Variants in ANXA6 observed in about 807,000 individuals in gnomAD.
ANXA6 encodes the protein 67 kDa calelectrin.
In ANXA6, 71 loss-of-function variants were observed where a neutral mutation model predicts 95.4. The ratio of observed to expected loss-of-function variants is 0.74; its 90% CI spans 0.61 to 0.91. ANXA6 has a LOEUF of 0.91. ANXA6 is among the 40% of genes least tolerant of loss of function. The pLI is 0.00. For missense variants in ANXA6, 830 were observed against 876.4 expected (o/e 0.95, Z 0.67); for synonymous variants, 289 against 315.9 (o/e 0.91, Z 0.90).
chr5:151,106,148 C>T (rs1764689731), intron 23 of ANXA6, among the ~76,000 whole-genome samples: 1 of 152,118 alleles, frequency 6.6e-6, no homozygotes, highest in South Asian at 2.1e-4. Flanking sequence ...ATTGGCAGCC[C>T]CTGCTCCCTA....
At chr5:151,132,713 T>G (rs1765551857) in intron 9 of ANXA6, 142 bp from the exon 10 acceptor site, 2 of 670,954 alleles carry the variant, frequency 3.0e-6, no homozygotes, top group East Asian at 5.5e-5. Context: ...TGGAGGCGAC[T>G]GGGAGGTCAC....
Position 151,129,491 on chromosome 5 carries a change from C to G in ANXA6, c.834G>C (p.Met278Ile), listed in dbSNP as rs200380149. 5.3e-5 allele frequency: 85 copies of G among 1,611,130 alleles called. No individual in the cohort carries two copies. Among genetic ancestry groups the G allele is most frequent in the South Asian group, 6.6e-5 (6 of 90,466 alleles). ...GCATGTCCAACTCACTACGGGAGAC[C>G]ATGATGCGGATCAGGGTGTTGTCCC... Reference protein sequence around the residue: ...GTRDNTLIRIMVSRSELDMLD... With the variant: ...GTRDNTLIRIIVSRSELDMLD... The change falls in exon 12 of 26, where the codon ATG (methionine) becomes ATC (isoleucine). Residue 278 changes from methionine (M) to isoleucine (I), a missense_variant. Coordinates refer to ENST00000354546, the MANE Select transcript of ANXA6 (RefSeq NM_001155.5).
intron 20 of ANXA6, among the ~76,000 whole-genome samples, chr5:151,111,950 G>A (rs1193912422): frequency 6.6e-6 from 1 of 151,608 alleles, no homozygotes; most frequent in Non-Finnish European, 1.5e-5. Context: ...CACCAGCCCA[G>A]TTAATTTTTT....
chr5:151,105,307 G>C lies in ANXA6; in HGVS notation c.1781-4C>G. The C allele has an allele frequency of 6.2e-7, 1 of 1,613,862 alleles. No individual in the cohort carries two copies. The highest frequency in any genetic ancestry group is 8.5e-7 in the Non-Finnish European group (1 of 1,179,778). On this transcript the variant is annotated splice_polypyrimidine_tract_variant and splice_region_variant and intron_variant, in intron 23 of 25. Coordinates refer to ENST00000354546, the MANE Select transcript of ANXA6 (RefSeq NM_001155.5). The stretch of plus-strand genomic sequence containing the variant: ...GGCTTGTTCTTGACACTTTGAACTG[G>C]TAGGAAGAGCAGAGAGATGCGGGGA...
intron 2 of ANXA6, among the ~76,000 whole-genome samples, chr5:151,146,725 T>C (rs1451238892): frequency 6.6e-6 from 1 of 152,182 alleles, no homozygotes; most frequent in Non-Finnish European, 1.5e-5. Flanking sequence ...ATCGTCACAC[T>C]GACTGCATGG....
intron 14 of ANXA6, among the ~76,000 whole-genome samples, chr5:151,125,229 T>A (rs1765283405): frequency 6.6e-6 from 1 of 150,710 alleles, no homozygotes; most frequent in Admixed American, 6.6e-5. Flanking sequence ...CCACCTGAGG[T>A]CCCAGCTACT....
intron 13 of ANXA6, among the ~76,000 whole-genome samples, chr5:151,126,800 T>A (rs1765336556): frequency 6.6e-6 from 1 of 152,164 alleles, no homozygotes; most frequent in Non-Finnish European, 1.5e-5. Context: ...CACTGCAACC[T>A]CTGCCTCCCA....
rs1764527107 is a variant in ANXA6 at position 151,100,865 on chromosome 5, G to A, written c.*583C>T. The A allele has an allele frequency of 2.2e-6, 1 of 456,252 alleles. No homozygotes were observed. Among genetic ancestry groups the A allele is most frequent in the Non-Finnish European group, 4.4e-6 (1 of 226,966 alleles). The allele number at this position is 456,252 out of a possible 1,614,324, so 28.3% of individuals were successfully genotyped here. On this transcript the variant is annotated 3_prime_UTR_variant, in exon 26 of 26. Coordinates refer to ENST00000354546, the MANE Select transcript of ANXA6 (RefSeq NM_001155.5). The stretch of plus-strand genomic sequence containing the variant: ...TGTAGATAAGAAAATAGAGACTCAG[G>A]GAGGGAAAGGGGCTGGCCTAAGGTC...
chr5:151,137,392 G>A, intron 5 of ANXA6, 71 bp from the exon 6 acceptor site: 1 of 1,302,456 alleles, frequency 7.7e-7, no homozygotes, highest in Non-Finnish European at 1.1e-6. Context: ...TTGGGATCAG[G>A]GAGTGGCCAG....
intron 21 of ANXA6, among the ~76,000 whole-genome samples, 166 bp from the exon 22 acceptor site, chr5:151,110,012 T>G (rs1283552613): frequency 6.6e-6 from 1 of 152,178 alleles, no homozygotes; most frequent in East Asian, 1.9e-4. Context: ...TCAAGCACAA[T>G]GGCTTCTATA....
intron 1 of ANXA6, among the ~76,000 whole-genome samples, chr5:151,148,644 A>C (rs938439676): frequency 4.6e-5 from 7 of 152,230 alleles, no homozygotes; most frequent in African/African-American, 9.6e-5. Flanking sequence ...ATGAATAACA[A>C]ATGCACTCAT....
intron 20 of ANXA6, among the ~76,000 whole-genome samples, chr5:151,114,543 G>A (rs965982779): frequency 6.9e-6 from 1 of 144,164 alleles, no homozygotes; most frequent in Non-Finnish European, 1.5e-5. Flanking sequence ...GAACCCAGGA[G>A]GCAGACGTTG....
intron 14 of ANXA6, among the ~76,000 whole-genome samples, chr5:151,126,133 C>A (rs914770979): frequency 6.6e-6 from 1 of 152,178 alleles, no homozygotes; most frequent in African/African-American, 2.4e-5. Flanking sequence ...GGGACAGGCC[C>A]CTCCATGGAA....
chr5:151,113,800 C>A (rs1418454714), intron 20 of ANXA6, among the ~76,000 whole-genome samples: 5 of 152,174 alleles, frequency 3.3e-5, no homozygotes, highest in Non-Finnish European at 5.9e-5. Context: ...GAAATGAAAA[C>A]ATATGTGCAC....
At chr5:151,126,630 G>T in intron 13 of ANXA6, 150 bp from the exon 14 acceptor site, 2 of 665,650 alleles carry the variant, frequency 3.0e-6, no homozygotes, top group Non-Finnish European at 5.3e-6. Flanking sequence ...TTTCTCTCCA[G>T]CCTATGCCTC....
rs371136248 is a variant in ANXA6, at chr5:151,139,433, C to T, written c.124G>A (p.Ala42Thr). Residue 42 changes from alanine to threonine, a missense_variant, in exon 4 of 26, where the codon GCC becomes ACC. Physicochemically the swap from Ala to Thr is moderately conservative, Grantham distance 58. Coordinates refer to ENST00000354546, the MANE Select transcript of ANXA6 (RefSeq NM_001155.5). ...AMKGFGSDKE[A>T]ILDIITSRSN... ...CGTGAGGTGATTATGTCCAGTATGG[C>T]CTCCTTGTCACTGCCTGGAATAGGG... The T allele has an allele frequency of 4.3e-6, 7 of 1,613,304 alleles. No homozygotes were observed. Among genetic ancestry groups the T allele is most frequent in the Non-Finnish European group, 5.9e-6 (7 of 1,179,488 alleles).
rs1764530539 is a variant in ANXA6 at position 151,100,965 on chromosome 5, G to C, written c.*483C>G. 1 of 457,162 alleles carries C rather than the reference G, an allele frequency of 2.2e-6. No individual in the cohort carries two copies. The highest frequency in any genetic ancestry group is 2.3e-5 in the Admixed American group (1 of 42,600). The allele number at this position is 457,162 out of a possible 1,614,324, so 28.3% of individuals were successfully genotyped here. On this transcript the variant is annotated 3_prime_UTR_variant, in exon 26 of 26. Coordinates refer to ENST00000354546, the MANE Select transcript of ANXA6 (RefSeq NM_001155.5). Reference sequence around the variant, plus strand: ...CTGGTCCAGTACTCTAGCGCGGCCTGGATGGAGATGGGTGGTGAAATGGAT... The same window carrying C: ...CTGGTCCAGTACTCTAGCGCGGCCTCGATGGAGATGGGTGGTGAAATGGAT...
chr5:151,114,536 C>T (rs1296564133), intron 20 of ANXA6, among the ~76,000 whole-genome samples: 1 of 144,130 alleles, frequency 6.9e-6, no homozygotes, highest in Non-Finnish European at 1.5e-5. Flanking sequence ...ATTGCTTGAA[C>T]CCAGGAGGCA....
chr5:151,148,591 A>AT (rs1766027009), intron 1 of ANXA6, among the ~76,000 whole-genome samples: 1 of 152,216 alleles, frequency 6.6e-6, no homozygotes, highest in Non-Finnish European at 1.5e-5. Context: ...AATATGAGCA[A>AT]TTTTTTAAAT....
Sources: allele counts gnomAD v4.1 joint callset (sites outside exome capture counted in the v4.1 genomes callset), GRCh38; gene constraint gnomAD v4.1.1; transcripts MANE v1.5; gene names NCBI Gene and HGNC (gene_info 2026-07-23, HGNC 2026-07-21).